The following FREM2 variants were observed in gnomAD, a reference collection of about 807,000 sequenced individuals.
FREM2 encodes FRAS1-related extracellular matrix protein 2.
In FREM2, 119 loss-of-function variants were observed where a neutral mutation model predicts 219.9. That is an observed-to-expected ratio of 0.54 (90% confidence interval 0.47 to 0.63). FREM2 has a LOEUF of 0.63. FREM2 is among the 30% of genes least tolerant of loss of function. The pLI is 0.00. For synonymous variants in FREM2, 1,562 were observed against 1,522.8 expected, an observed-to-expected ratio of 1.03 and a Z score of -0.60; for missense variants, 4,030 against 3,993.6, an observed-to-expected ratio of 1.01 and a Z score of -0.25.
chr13:38,688,147 A>AC lies in FREM2; in HGVS notation c.804dup (p.Thr269HisfsTer81). ...CAGGAACTAGGCGTGCGCTATCGCC[A>AC]CACAGCCGCCAGTCGCTCACCAAAC... is the stretch of plus-strand genomic sequence containing the variant. On this transcript the variant is annotated frameshift_variant, in exon 1 of 24. Coordinates refer to ENST00000280481, the MANE Select transcript of FREM2 (RefSeq NM_207361.6). LOFTEE classifies it high-confidence loss of function. 1 of 1,613,392 alleles carries AC rather than the reference A, an allele frequency of 6.2e-7. No individual in the cohort carries two copies.
At position 38,689,902 on chromosome 13, in the gene FREM2, A is replaced by G; in HGVS notation, c.2558A>G (p.His853Arg). 1 of 1,614,156 alleles carries G rather than the reference A, an allele frequency of 6.2e-7. No homozygotes were observed. Among genetic ancestry groups the G allele is most frequent in the Non-Finnish European group, 8.5e-7 (1 of 1,180,040 alleles). ...GHHILSETELHVNDVDTDVAH... is the reference protein window; with the variant it reads ...GHHILSETELRVNDVDTDVAH... ...CACATCCTGAGTGAGACAGAGTTGC[A>G]CGTGAATGATGTAGACACTGATGTT... The change falls in exon 1 of 24, where the codon CAC becomes CGC. Residue 853 changes from histidine to arginine, a missense_variant. Around this residue, in one of 2 missense-constraint regions of FREM2, gnomAD observed 3,102 missense variants for 2,950.7 expected, o/e 1.05. Transcript: ENST00000280481.
Position 38,809,503 on chromosome 13 carries a change from A to G in FREM2, c.6019+24695A>G, listed in dbSNP as rs532725079. Among the ~76,000 whole-genome samples, 319 of 152,120 alleles carry G rather than the reference A, an allele frequency of 2.1e-3. 1 individual carries two copies. Among genetic ancestry groups the G allele is most frequent in the South Asian group, 0.013 (64 of 4,818 alleles). On this transcript the variant is annotated intron_variant, in intron 6 of 23. Transcript: ENST00000280481. Reference sequence around the variant, plus strand: ...TAATCCATTTTTATTTGATGTTTGTATAAGGCGAGAGATAGGGATTAAGTT... The same window carrying G: ...TAATCCATTTTTATTTGATGTTTGTGTAAGGCGAGAGATAGGGATTAAGTT...
intron 2 of FREM2, among the ~76,000 whole-genome samples, chr13:38,747,075 A>G (rs1022374644): frequency 1.3e-5 from 2 of 152,132 alleles, no homozygotes; most frequent in African/African-American, 4.8e-5. Flanking sequence ...ACATTCTATC[A>G]GGTATTTCCT....
At chr13:38,874,753 C>T (rs1878285478) in intron 18 of FREM2, among the ~76,000 whole-genome samples, 167 bp downstream of exon 18, 4 of 152,110 alleles carry the variant, frequency 2.6e-5, no homozygotes, top group African/African-American at 9.7e-5. Flanking sequence ...TTCAGCTTCA[C>T]CTCATAATCC....
At chr13:38,833,143 GTCTTA>G (rs1405602259) in intron 6 of FREM2, among the ~76,000 whole-genome samples, 1 of 152,092 alleles carries the variant, frequency 6.6e-6, no homozygotes, top group African/African-American at 2.4e-5. Context: ...ACTTTTTATA[GTCTTA>G]TCTTTTTCCC....
chr13:38,760,596 T>C (rs1873189079), intron 2 of FREM2, among the ~76,000 whole-genome samples: 1 of 152,146 alleles, frequency 6.6e-6, no homozygotes, highest in Non-Finnish European at 1.5e-5. Flanking sequence ...GCAAACATTT[T>C]AGAAAGAGTG....
chr13:38,698,087 T>C (rs899182246), intron 2 of FREM2, among the ~76,000 whole-genome samples: 1 of 152,202 alleles, frequency 6.6e-6, no homozygotes, highest in Non-Finnish European at 1.5e-5. Flanking sequence ...CTGCATGAGT[T>C]TGCCTACTTG....
At position 38,691,877 on chromosome 13, in the gene FREM2, C is replaced by G. The variant is rs747345015; in HGVS notation, c.4533C>G (p.Val1511=). The G allele has an allele frequency of 3.1e-6, 5 of 1,614,008 alleles. No homozygotes were observed. In the African/African-American group the frequency reaches 5.3e-5, roughly 17 times the overall value. The change falls in exon 1 of 24, where the codon GTC becomes GTG. Residue 1511 remains valine, a synonymous_variant. Coordinates refer to ENST00000280481, the MANE Select transcript of FREM2 (RefSeq NM_207361.6). ...EVKMDSFEFQ[V]TDGRNPVFRT... Reference sequence around the variant, plus strand: ...AAATGGACAGTTTTGAGTTTCAAGTCACCGATGGACGTAACCCTGTCTTTC... The same window carrying G: ...AAATGGACAGTTTTGAGTTTCAAGTGACCGATGGACGTAACCCTGTCTTTC...
rs1470630056 is a variant in FREM2 at position 38,857,917 on chromosome 13, G to T, written c.7099G>T (p.Ala2367Ser). 14 of 1,613,690 alleles carry T rather than the reference G, an allele frequency of 8.7e-6. No homozygotes were observed. In the East Asian group the frequency reaches 3.1e-4, roughly 36 times the overall value. ...IVYIEEMSSM[A>S]DVTFPSVPQI... ...GTACATAGAAGAAATGAGCAGCATG[G>T]CAGATGTCACTTTTCCTTCTGTCCC... Residue 2367 changes from alanine (A) to serine (S), a missense_variant, in exon 13 of 24, where the codon GCA (alanine) becomes TCA (serine). Transcript: ENST00000280481.
Position 38,692,021 on chromosome 13 carries a change from A to C in FREM2, c.4677A>C (p.Glu1559Asp). ...TTACTCCTTTTGAGCTCACTGTCGAAGACAGAGATACTCCTGACAAGCTCC... is the reference window on the plus strand; with the variant it reads ...TTACTCCTTTTGAGCTCACTGTCGACGACAGAGATACTCCTGACAAGCTCC... ...KLITPFELTV[E>D]DRDTPDKLLK... The change falls in exon 1 of 24, where the codon GAA (glutamate) becomes GAC (aspartate). Residue 1559 changes from glutamate to aspartate, a missense_variant. Coordinates refer to ENST00000280481, the MANE Select transcript of FREM2 (RefSeq NM_207361.6). 1 of 1,614,246 alleles carries C rather than the reference A, an allele frequency of 6.2e-7. No homozygotes were observed.
chr13:38,691,903 G>A lies in FREM2; in HGVS notation c.4559G>A (p.Arg1520Gln), dbSNP rs758490476. Residue 1520 changes from arginine to glutamine, a missense_variant, in exon 1 of 24, where the codon CGG becomes CAG. This residue lies in a region of FREM2 where 3,102 missense variants were observed against 2,950.7 expected (regional missense o/e 1.05). Transcript: ENST00000280481. ...QVTDGRNPVF[R>Q]TFRISISDVD... is the part of the protein sequence containing the mutation. The stretch of plus-strand genomic sequence containing the variant: ...ACCGATGGACGTAACCCTGTCTTTC[G>A]GACATTCCGTATCTCCATTAGCGAT... 1.4e-5 allele frequency: 22 copies of A among 1,614,114 alleles called. No individual in the cohort carries two copies. Among genetic ancestry groups the A allele is most frequent in the South Asian group, 1.3e-4 (12 of 91,076 alleles).
chr13:38,800,833 T>G (rs1194703729), intron 6 of FREM2, among the ~76,000 whole-genome samples: 1 of 152,208 alleles, frequency 6.6e-6, no homozygotes, highest in Non-Finnish European at 1.5e-5. Context: ...TTTCACCATG[T>G]TGGCCAGCCT....
chr13:38,855,833 C>A (rs2137916340), intron 11 of FREM2, among the ~76,000 whole-genome samples: 1 of 151,926 alleles, frequency 6.6e-6, no homozygotes, highest in Non-Finnish European at 1.5e-5. Flanking sequence ...CACTCAAGAA[C>A]TTATTCATGC....
chr13:38,868,462 T>C (rs1203530743), intron 16 of FREM2, among the ~76,000 whole-genome samples: 1 of 152,240 alleles, frequency 6.6e-6, no homozygotes, highest in East Asian at 1.9e-4. Flanking sequence ...GTGTAGCTTG[T>C]ACACCTATGC....
rs61997174 is a variant in FREM2 at position 38,688,532 on chromosome 13, G to A, written c.1188G>A (p.Gln396=). Residue 396 remains glutamine, a synonymous_variant, in exon 1 of 24, where the codon CAG becomes CAA. Transcript: ENST00000280481. The part of the protein sequence containing the change: ...RDLRLLKIAY[Q]PPSEDSDQER... The stretch of plus-strand genomic sequence containing the variant: ...TGCGGCTCCTGAAGATTGCCTACCA[G>A]CCCCCTTCTGAAGACTCTGACCAGG... 6.2e-7 allele frequency: 1 copy of A among 1,613,890 alleles called. No homozygotes were observed. The highest frequency in any genetic ancestry group is 1.1e-5 in the South Asian group (1 of 91,028).
chr13:38,691,276 G>T lies in FREM2; in HGVS notation c.3932G>T (p.Gly1311Val). The T allele has an allele frequency of 6.2e-7, 1 of 1,613,848 alleles. No homozygotes were observed. Among genetic ancestry groups the T allele is most frequent in the Non-Finnish European group, 8.5e-7 (1 of 1,179,806 alleles). ...ACGCCCAGAATGACTATCAATAATGGACTAGAAATAGAAATTGGGGATACC... is the reference window on the plus strand; with the variant it reads ...ACGCCCAGAATGACTATCAATAATGTACTAGAAATAGAAATTGGGGATACC... The part of the protein sequence containing the change: ...DETPRMTINN[G>V]LEIEIGDTKI... The change falls in exon 1 of 24, where the codon GGA becomes GTA. Residue 1311 changes from glycine to valine, a missense_variant. Physicochemically the swap from Gly to Val is moderately radical, Grantham distance 109 (BLOSUM62 -3). Around this residue, in one of 2 missense-constraint regions of FREM2, gnomAD observed 3,102 missense variants for 2,950.7 expected, o/e 1.05. Coordinates refer to ENST00000280481, the MANE Select transcript of FREM2 (RefSeq NM_207361.6).
rs906209573 is a variant in FREM2, at chr13:38,880,665, A to G, written c.9388A>G (p.Ile3130Val). 2 of 1,614,152 alleles carry G rather than the reference A, an allele frequency of 1.2e-6. No individual in the cohort carries two copies. The highest frequency in any genetic ancestry group is 1.3e-5 in the African/African-American group (1 of 75,048). The change falls in exon 24 of 24, where the codon ATT becomes GTT. Residue 3130 changes from isoleucine (I) to valine (V), a missense_variant. Around this residue, in one of 2 missense-constraint regions of FREM2, gnomAD observed 928 missense variants for 1,042.9 expected, o/e 0.89. Coordinates refer to ENST00000280481, the MANE Select transcript of FREM2 (RefSeq NM_207361.6). ...GTTACTCACCATCTGCCTCACTGTC[A>G]TTGCAGTGCTGATGTGCAGGGGCAA... The part of the protein sequence containing the change: ...VGLLTICLTV[I>V]AVLMCRGKES...
At chr13:38,880,010 A>T (rs569476416) in intron 23 of FREM2, among the ~76,000 whole-genome samples, 47 of 152,328 alleles carry the variant, frequency 3.1e-4, no homozygotes, top group South Asian at 2.7e-3. Context: ...TGAATAAGCT[A>T]GACTGTATAA....
chr13:38,739,201 G>A (rs1207188344), intron 2 of FREM2, among the ~76,000 whole-genome samples: 5 of 152,124 alleles, frequency 3.3e-5, no homozygotes, highest in Non-Finnish European at 5.9e-5. Flanking sequence ...ATTTTGTTAA[G>A]AAAGTTTTAA....
Sources: allele counts gnomAD v4.1 joint callset (sites outside exome capture counted in the v4.1 genomes callset), GRCh38; gene constraint gnomAD v4.1.1; regional missense constraint gnomAD v4.1.1; transcripts MANE v1.5; gene names NCBI Gene and HGNC (gene_info 2026-07-23, HGNC 2026-07-21).